TMPRSS13: variants seen among roughly 807,000 people sequenced by gnomAD.
The protein encoded by TMPRSS13 is transmembrane protease serine 13.
A neutral mutation model predicts 68.4 loss-of-function variants in TMPRSS13; 50 were observed. The observed-to-expected ratio is 0.73, with a 90% CI of 0.58 to 0.93. TMPRSS13 has a LOEUF of 0.93. Among genes scored for constraint, TMPRSS13 ranks in the 40% least tolerant of loss-of-function variants. The pLI is 0.00. For synonymous variants in TMPRSS13, 267 were observed against 285.8 expected (o/e 0.93, Z 0.66); for missense variants, 615 against 729.2 (o/e 0.84, Z 1.80).
At chr11:117,927,061 G>A (rs117453837) in intron 1 of TMPRSS13, among the ~76,000 whole-genome samples, 1,654 of 152,320 alleles carry the variant, frequency 0.011, 14 homozygotes, top group Non-Finnish European at 0.016. Context: ...TCAACTGGAC[G>A]TGTAAACAGA....
chr11:117,915,411 C>A lies in TMPRSS13; in HGVS notation c.557-897G>T, dbSNP rs576900931. On this transcript the variant is annotated intron_variant, in intron 3 of 12. Transcript: ENST00000524993. The surrounding 1 kb of genome is among the most constrained non-coding windows in gnomAD (Gnocchi z 4.9). ...TCCATCACCCAGGGTAAAGGCCGCCCGGGTGTGACTGCTCCTTCCAGGTCC... is the reference window on the plus strand; with the variant it reads ...TCCATCACCCAGGGTAAAGGCCGCCAGGGTGTGACTGCTCCTTCCAGGTCC... 6.6e-6 allele frequency among the ~76,000 whole-genome samples: 1 copy of A among 152,210 alleles called. No individual in the cohort carries two copies. The highest frequency in any genetic ancestry group is 1.5e-5 in the Non-Finnish European group (1 of 68,030).
At position 117,902,060 on chromosome 11, in the gene TMPRSS13, A is replaced by T. The variant is rs1280215528; in HGVS notation, c.*179T>A. The T allele has an allele frequency of 2.9e-4, 192 of 673,254 alleles. No individual in the cohort carries two copies. The highest frequency in any genetic ancestry group is 1.7e-4 in the Non-Finnish European group (69 of 395,432). The allele number at this position is 673,254 out of a possible 1,614,324, so 41.7% of individuals were successfully genotyped here. A position where few individuals can be genotyped will look rare whatever the true frequency, so the allele number is the denominator to read the frequency against. On this transcript the variant is annotated 3_prime_UTR_variant, in exon 13 of 13. Transcript: ENST00000524993. ...TTCTGAAAAACTTGGGAGAGTGGCA[A>T]TGCACACATATGCACACACACACAC...
chr11:117,905,660 A>G lies in TMPRSS13; in HGVS notation c.1359T>C (p.Phe453=), dbSNP rs890156670. ...TACCATCTGTCTCCCTGGTCTTGCC[A>G]AAGCCTGTGATCCAGCAGGTCTCAT... is the stretch of plus-strand genomic sequence containing the variant. The part of the protein sequence containing the change: ...SLNETCWITG[F]GKTRETDDKT... The change falls in exon 10 of 13, where the codon TTT becomes TTC. Residue 453 remains phenylalanine, a synonymous_variant. Transcript: ENST00000524993. The G allele has an allele frequency of 6.2e-7, 1 of 1,603,952 alleles. No homozygotes were observed. The highest frequency in any genetic ancestry group is 1.3e-5 in the African/African-American group (1 of 74,828).
rs555776602 is a variant in TMPRSS13, at chr11:117,914,536, G to A, written c.557-22C>T. 1 of 1,613,246 alleles carries A rather than the reference G, an allele frequency of 6.2e-7. No individual in the cohort carries two copies. Among genetic ancestry groups the A allele is most frequent in the African/African-American group, 1.3e-5 (1 of 75,022 alleles). On this transcript the variant is annotated intron_variant, in intron 3 of 12. Transcript: ENST00000524993. This position sits in a 1 kb window ranked among gnomAD's most constrained non-coding sequence, Gnocchi z 4.2. ...TGGACTAGAGAAAAAGAAGCAGACAGCTGGGTCATGGCCAGCCCCACTGAG... is the reference window on the plus strand; with the variant it reads ...TGGACTAGAGAAAAAGAAGCAGACAACTGGGTCATGGCCAGCCCCACTGAG...
intron 1 of TMPRSS13, among the ~76,000 whole-genome samples, chr11:117,923,903 C>T (rs921208720): frequency 6.7e-6 from 1 of 150,136 alleles, no homozygotes; most frequent in Non-Finnish European, 1.5e-5. Flanking sequence ...GCAGTAGCTG[C>T]TTCATGGCCT....
intron 6 of TMPRSS13, among the ~76,000 whole-genome samples, 198 bp downstream of exon 6, chr11:117,911,570 G>A (rs924502565): frequency 6.6e-6 from 1 of 152,202 alleles, no homozygotes; most frequent in Admixed American, 6.5e-5. Context: ...TCAGCACCGA[G>A]CCTCAGATAA....
chr11:117,922,160 G>A lies in TMPRSS13; in HGVS notation c.22-3322C>T, dbSNP rs1244662854. 2.0e-5 allele frequency among the ~76,000 whole-genome samples: 3 copies of A among 152,134 alleles called. No individual in the cohort carries two copies. Among genetic ancestry groups the A allele is most frequent in the East Asian group, 1.9e-4 (1 of 5,196 alleles). ...ACTGCTGAGACTCTAGCCTCCCACCGCTGGCCTGATCTCACCCTCAGAGTA... is the reference window on the plus strand; with the variant it reads ...ACTGCTGAGACTCTAGCCTCCCACCACTGGCCTGATCTCACCCTCAGAGTA... On this transcript the variant is annotated intron_variant, in intron 1 of 12. Transcript: ENST00000524993. The surrounding 1 kb of genome is among the most constrained non-coding windows in gnomAD (Gnocchi z 4.2).
chr11:117,919,496 C>T lies in TMPRSS13; in HGVS notation c.22-658G>A, dbSNP rs140046686. Among the ~76,000 whole-genome samples the T allele has an allele frequency of 5.3e-3, 810 of 152,358 alleles. 5 individuals are homozygous for T. Among genetic ancestry groups the T allele is most frequent in the Middle Eastern group, 0.031 (9 of 292 alleles). On this transcript the variant is annotated intron_variant, in intron 1 of 12. Transcript: ENST00000524993. ...CTGCAGAAGGCCCTGCCCTTCCCTC[C>T]TGGGGTGGCCTGGGCCTCGGCTCCT...
intron 8 of TMPRSS13, 57 bp from the exon 9 acceptor site, chr11:117,908,841 G>T (rs1305307576): frequency 3.8e-5 from 57 of 1,496,068 alleles, no homozygotes; most frequent in African/African-American, 5.5e-5. Context: ...TTCACTGGCA[G>T]CCCCTGCTAC....
At chr11:117,908,465 C>T in intron 9 of TMPRSS13, 147 bp downstream of exon 9, 1 of 827,000 alleles carries the variant, frequency 1.2e-6, no homozygotes. Flanking sequence ...CAGAAGTGTT[C>T]CATGTAAGGA....
rs1367235767 is a variant in TMPRSS13, at chr11:117,922,831, G to A, written c.22-3993C>T. On this transcript the variant is annotated intron_variant, in intron 1 of 12. Transcript: ENST00000524993. This position sits in a 1 kb window ranked among gnomAD's most constrained non-coding sequence, Gnocchi z 4.2. ...CTCCTCCCCACCTACCCGTGGGGTA[G>A]TCTCTGAGGTTACCCCCTGCAGTAA... 6.6e-6 allele frequency among the ~76,000 whole-genome samples: 1 copy of A among 152,210 alleles called. No homozygotes were observed. The highest frequency in any genetic ancestry group is 1.5e-5 in the Non-Finnish European group (1 of 68,040).
chr11:117,908,438 TTTC>T (rs2057485279), intron 9 of TMPRSS13, 171 bp downstream of exon 9: 2 of 699,168 alleles, frequency 2.9e-6, no homozygotes, highest in South Asian at 3.7e-5. Context: ...TGGGCTTCAG[TTTC>T]CCTAATTATA....
chr11:117,920,046 G>A (rs1298426606), intron 1 of TMPRSS13, among the ~76,000 whole-genome samples: 1 of 152,162 alleles, frequency 6.6e-6, no homozygotes, highest in Non-Finnish European at 1.5e-5. Context: ...CCCATAGTGG[G>A]GCCCTGTGAC....
At chr11:117,913,992 A>T in intron 4 of TMPRSS13, 86 bp from the exon 5 acceptor site, 1 of 1,509,454 alleles carries the variant, frequency 6.6e-7, no homozygotes, top group Non-Finnish European at 9.0e-7. Context: ...AGGCTTTGAG[A>T]AAGCGCTTGT....
intron 9 of TMPRSS13, chr11:117,908,084 T>A (rs2057481815): frequency 1.1e-6 from 1 of 945,778 alleles, no homozygotes; most frequent in African/African-American, 2.6e-5. Flanking sequence ...TTTGCCAGTC[T>A]AGAGCCAGGT....
At chr11:117,916,622 G>A (rs776971760) in intron 3 of TMPRSS13, among the ~76,000 whole-genome samples, 46 of 152,348 alleles carry the variant, frequency 3.0e-4, no homozygotes, top group African/African-American at 1.1e-3. Context: ...GCATGCCTGG[G>A]TATCTTTGCT....
intron 9 of TMPRSS13, chr11:117,908,056 C>T (rs947214082): frequency 4.9e-6 from 5 of 1,013,896 alleles, no homozygotes; most frequent in Non-Finnish European, 5.9e-6. Flanking sequence ...CTTAAGTTCT[C>T]GACTGCAGGG....
Position 117,922,645 on chromosome 11 carries a change from C to T in TMPRSS13, c.22-3807G>A, listed in dbSNP as rs1055754010. ...GACTCAGAAGTGGAAGTGAAATGAC[C>T]AACTCCTTGATGTGTCCTGGTGTCT... On this transcript the variant is annotated intron_variant, in intron 1 of 12. Transcript: ENST00000524993. This position sits in a 1 kb window ranked among gnomAD's most constrained non-coding sequence, Gnocchi z 4.2. Among the ~76,000 whole-genome samples the T allele has an allele frequency of 7.2e-5, 11 of 152,302 alleles. No homozygotes were observed. The highest frequency in any genetic ancestry group is 2.6e-4 in the African/African-American group (11 of 41,574).
chr11:117,917,808 G>A (rs1187154716), intron 2 of TMPRSS13, among the ~76,000 whole-genome samples: 1 of 152,132 alleles, frequency 6.6e-6, no homozygotes, highest in African/African-American at 2.4e-5. Flanking sequence ...GTGGTGGTGG[G>A]GACAGTCTGA....
Sources: allele counts gnomAD v4.1 joint callset (sites outside exome capture counted in the v4.1 genomes callset), GRCh38; gene constraint gnomAD v4.1.1; non-coding constraint Gnocchi (gnomAD v3.1); transcripts MANE v1.5; gene names NCBI Gene and HGNC (gene_info 2026-07-23, HGNC 2026-07-21).